The following HTR1F variants were observed in gnomAD, a reference collection of about 807,000 sequenced individuals.
HTR1F encodes 5-hydroxytryptamine receptor 1F.
HTR1F carries 17 observed loss-of-function variants against 24.0 expected under a neutral mutation model. The ratio of observed to expected loss-of-function variants is 0.71; its 90% CI spans 0.48 to 1.06. The LOEUF is 1.06. Among genes scored for constraint, HTR1F ranks in the 50% least tolerant of loss-of-function variants. HTR1F has a pLI of 0.00. For synonymous variants in HTR1F, 186 were observed against 156.8 expected, an observed-to-expected ratio of 1.19 and a Z score of -1.39; for missense variants, 391 against 427.8, an observed-to-expected ratio of 0.91 and a Z score of 0.76.
chr3:87,900,635 C>A lies in HTR1F; in HGVS notation c.-43+78511C>A, dbSNP rs749381280. ...TAATGGGGAGTAGACTTGAGAGATT[C>A]TAGAGGTGGCAGTGAGAATTTGTTT... On this transcript the variant is annotated intron_variant, in intron 2 of 2. Transcript: ENST00000319595. 1.5e-4 allele frequency among the ~76,000 whole-genome samples: 23 copies of A among 152,054 alleles called. 1 individual carries two copies. Among genetic ancestry groups the A allele is most frequent in the Admixed American group, 3.9e-4 (6 of 15,238 alleles).
intron 1 of HTR1F, among the ~76,000 whole-genome samples, chr3:87,794,814 C>G (rs1703876656): frequency 6.6e-6 from 1 of 152,006 alleles, no homozygotes; most frequent in African/African-American, 2.4e-5. Context: ...AACTTGTTCA[C>G]TTTTTAAAAA....
At chr3:87,874,411 A>G (rs1384527440) in intron 2 of HTR1F, among the ~76,000 whole-genome samples, 1 of 152,138 alleles carries the variant, frequency 6.6e-6, no homozygotes, top group Non-Finnish European at 1.5e-5. Flanking sequence ...AAAGAATAAA[A>G]TACTTGGGAA....
intron 2 of HTR1F, among the ~76,000 whole-genome samples, chr3:87,919,045 A>G (rs1703955011): frequency 6.6e-6 from 1 of 152,168 alleles, no homozygotes; most frequent in Non-Finnish European, 1.5e-5. Context: ...CCAATGGAAC[A>G]GAACAGAGAA....
chr3:87,907,092 G>T (rs1446992374), intron 2 of HTR1F, among the ~76,000 whole-genome samples: 7 of 151,890 alleles, frequency 4.6e-5, no homozygotes, highest in Non-Finnish European at 4.4e-5. Context: ...TCTACTTTTG[G>T]CTCTTTAAGG....
At chr3:87,909,625 C>G (rs886454214) in intron 2 of HTR1F, among the ~76,000 whole-genome samples, 3 of 151,902 alleles carry the variant, frequency 2.0e-5, no homozygotes, top group Non-Finnish European at 4.4e-5. Context: ...CTGCATAAAA[C>G]AGAAATAAAA....
intron 1 of HTR1F, among the ~76,000 whole-genome samples, chr3:87,812,616 A>C (rs1264209605): frequency 6.6e-6 from 1 of 152,220 alleles, no homozygotes; most frequent in Non-Finnish European, 1.5e-5. Flanking sequence ...GGTAATGAGG[A>C]GCTGAATGTT....
intron 2 of HTR1F, among the ~76,000 whole-genome samples, chr3:87,859,069 T>C (rs1299111648): frequency 6.6e-6 from 1 of 152,106 alleles, no homozygotes; most frequent in Non-Finnish European, 1.5e-5. Context: ...TGGTGGTAGA[T>C]GCCTGTAATC....
chr3:87,924,516 C>T (rs1704080857), intron 2 of HTR1F, among the ~76,000 whole-genome samples: 1 of 152,074 alleles, frequency 6.6e-6, no homozygotes, highest in Admixed American at 6.6e-5. Flanking sequence ...TGTCCTTTTG[C>T]TTCCAGATCT....
At chr3:87,900,401 A>G (rs1022338586) in intron 2 of HTR1F, among the ~76,000 whole-genome samples, 2 of 152,204 alleles carry the variant, frequency 1.3e-5, no homozygotes, top group African/African-American at 4.8e-5. Context: ...GTTGTCAGAA[A>G]TTAACTCAGA....
At chr3:87,804,002 C>A (rs1449380700) in intron 1 of HTR1F, among the ~76,000 whole-genome samples, 1 of 152,070 alleles carries the variant, frequency 6.6e-6, no homozygotes, top group Non-Finnish European at 1.5e-5. Flanking sequence ...TCAGTCCTAT[C>A]ATTTTCCAGC....
intron 2 of HTR1F, among the ~76,000 whole-genome samples, chr3:87,895,167 C>T (rs1300825021): frequency 6.6e-6 from 1 of 152,082 alleles, no homozygotes; most frequent in Non-Finnish European, 1.5e-5. Flanking sequence ...ACTGAGCAAG[C>T]TATTTGATTT....
chr3:87,904,796 T>C (rs540549884), intron 2 of HTR1F, among the ~76,000 whole-genome samples: 25 of 152,154 alleles, frequency 1.6e-4, no homozygotes, highest in Admixed American at 8.5e-4. Context: ...TAAGCTAATC[T>C]AGATTGATGG....
intron 2 of HTR1F, among the ~76,000 whole-genome samples, chr3:87,986,124 T>C (rs1705657110): frequency 6.6e-6 from 1 of 152,190 alleles, no homozygotes; most frequent in Non-Finnish European, 1.5e-5. Flanking sequence ...GCATACTCTA[T>C]GTCCAGTAAC....
intron 2 of HTR1F, among the ~76,000 whole-genome samples, chr3:87,835,779 T>A (rs561475445): frequency 6.6e-6 from 1 of 152,326 alleles, no homozygotes; most frequent in African/African-American, 2.4e-5. Flanking sequence ...AAATTACAGA[T>A]AACTTGAGCC....
chr3:87,806,704 C>T (rs567021998), intron 1 of HTR1F, among the ~76,000 whole-genome samples: 2 of 152,014 alleles, frequency 1.3e-5, no homozygotes, highest in Non-Finnish European at 2.9e-5. Context: ...GAAGACTCAG[C>T]CATAATCTTT....
intron 2 of HTR1F, among the ~76,000 whole-genome samples, chr3:87,957,537 CTTTTT>C (rs1225748176): frequency 6.6e-6 from 1 of 151,088 alleles, no homozygotes; most frequent in Admixed American, 6.6e-5. Context: ...TATATTGCTT[CTTTTT>C]TAACTATTTG....
intron 2 of HTR1F, among the ~76,000 whole-genome samples, chr3:87,849,381 G>C (rs1295172811): frequency 1.3e-5 from 2 of 151,676 alleles, no homozygotes; most frequent in African/African-American, 4.9e-5. Context: ...TTAATAAATG[G>C]TGCTGGGAAA....
chr3:87,982,119 C>T (rs1412709108), intron 2 of HTR1F, among the ~76,000 whole-genome samples: 8 of 152,120 alleles, frequency 5.3e-5, no homozygotes, highest in African/African-American at 1.4e-4. Flanking sequence ...GATGGGGTTT[C>T]ACCTTTTTGA....
chr3:87,968,703 A>C (rs13075165), intron 2 of HTR1F, among the ~76,000 whole-genome samples: 76,185 of 151,718 alleles, frequency 0.5, 21,939 homozygotes, highest in South Asian at 0.7. Context: ...TTCTTAGGAG[A>C]AATTTAAGCT....
Sources: gnomAD v4.1 joint callset for allele counts (sites outside exome capture counted in the v4.1 genomes callset) on GRCh38, gnomAD v4.1.1 for gene constraint, MANE v1.5 for transcripts, NCBI Gene and HGNC (gene_info 2026-07-23, HGNC 2026-07-21) for gene names.